The following VAT1L variants were observed in gnomAD, a reference collection of about 807,000 sequenced individuals.
VAT1L encodes the protein putative NADPH-dependent quinone oxidoreductase VAT1L.
Under a neutral mutation model 44.1 loss-of-function variants are expected in VAT1L, and 34 were observed. That is an observed-to-expected ratio of 0.77 (90% CI 0.59 to 1.03). The LOEUF (loss-of-function observed/expected upper bound fraction) is 1.03. VAT1L is among the 50% of genes least tolerant of loss of function. The probability of loss-of-function intolerance (pLI) is 0.00; values close to 1 mark genes in which losing one functional copy is unlikely to be tolerated. For synonymous variants in VAT1L, 253 were observed against 202.2 expected, an observed-to-expected ratio of 1.25 and a Z score of -2.13; for missense variants, 615 against 538.8, an observed-to-expected ratio of 1.14 and a Z score of -1.40.
intron 7 of VAT1L, among the ~76,000 whole-genome samples, chr16:77,955,366 C>G (rs1407435034): frequency 6.6e-6 from 1 of 152,146 alleles, no homozygotes; most frequent in East Asian, 1.9e-4. Flanking sequence ...GTGCCCAGGA[C>G]AGCCCCCACA....
intron 7 of VAT1L, among the ~76,000 whole-genome samples, chr16:77,954,442 T>C (rs1208199331): frequency 6.6e-6 from 1 of 152,092 alleles, no homozygotes; most frequent in Non-Finnish European, 1.5e-5. Context: ...CTGACCAACA[T>C]GGTGAAACCC....
chr16:77,922,086 C>G (rs886455487), intron 7 of VAT1L, among the ~76,000 whole-genome samples: 3 of 152,006 alleles, frequency 2.0e-5, no homozygotes, highest in Non-Finnish European at 4.4e-5. Context: ...CAGGTTAGCA[C>G]CTACTGAGAC....
chr16:77,861,739 G>A (rs370808581), intron 3 of VAT1L, among the ~76,000 whole-genome samples: 17 of 152,346 alleles, frequency 1.1e-4, no homozygotes, highest in African/African-American at 3.8e-4. Context: ...ATAGGCACAA[G>A]AATTACTATT....
At chr16:77,862,623 T>TAA (rs34096024) in intron 3 of VAT1L, 125 bp from the exon 4 acceptor site, 6,865 of 393,830 alleles carry the variant, frequency 0.017, 4 homozygotes, top group South Asian at 0.029. Flanking sequence ...ACTCCATCTC[T>TAA]AAAAAAAAAA....
intron 3 of VAT1L, among the ~76,000 whole-genome samples, chr16:77,826,033 G>GAA (rs1157288505): frequency 1.3e-4 from 1 of 7,982 alleles, no homozygotes; most frequent in Non-Finnish European, 3.0e-4. Flanking sequence ...AAAAAAAAAA[G>GAA]AAAAAAAAAA....
At chr16:77,873,140 A>G (rs2017049427) in intron 4 of VAT1L, among the ~76,000 whole-genome samples, 1 of 152,252 alleles carries the variant, frequency 6.6e-6, no homozygotes, top group Admixed American at 6.5e-5. Flanking sequence ...TGATGCTTCC[A>G]TACTTAATAC....
chr16:77,835,804 C>T lies in VAT1L; in HGVS notation c.579+10343C>T, dbSNP rs529883080. 2.8e-4 allele frequency among the ~76,000 whole-genome samples: 42 copies of T among 151,696 alleles called. 1 individual carries two copies. Among genetic ancestry groups the T allele is most frequent in the Non-Finnish European group, 5.2e-4 (35 of 67,946 alleles). On this transcript the variant is annotated intron_variant, in intron 3 of 8. Transcript: ENST00000302536. Reference sequence around the variant, plus strand: ...AAGAGAATCACTTGAACCCCGGAGGCGGAGGTCACAGTGAGCCAAGATCAT... The same window carrying T: ...AAGAGAATCACTTGAACCCCGGAGGTGGAGGTCACAGTGAGCCAAGATCAT...
chr16:77,896,178 A>C (rs369518), intron 7 of VAT1L, among the ~76,000 whole-genome samples: 136,622 of 151,918 alleles, frequency 0.9, 61,908 homozygotes, highest in Non-Finnish European at 0.95. Context: ...TGAGACTCTG[A>C]GCCTCCCTGC....
chr16:77,940,676 G>T (rs1666397328), intron 7 of VAT1L, among the ~76,000 whole-genome samples: 1 of 152,058 alleles, frequency 6.6e-6, no homozygotes, highest in Non-Finnish European at 1.5e-5. Context: ...AAGTTAATAT[G>T]AATTTTGCAC....
chr16:77,914,475 G>A (rs542254572), intron 7 of VAT1L, among the ~76,000 whole-genome samples: 1 of 152,264 alleles, frequency 6.6e-6, no homozygotes, highest in East Asian at 1.9e-4. Flanking sequence ...GCTACAATCC[G>A]GGCTTGATTT....
intron 7 of VAT1L, among the ~76,000 whole-genome samples, chr16:77,970,336 G>T (rs2018266195): frequency 6.6e-6 from 1 of 152,194 alleles, no homozygotes; most frequent in Non-Finnish European, 1.5e-5. Flanking sequence ...TTACCAGACT[G>T]ACGCTAAAGT....
In VAT1L at chr16:77,825,366, C is replaced by G. The variant is rs1020004516; in HGVS notation, c.484C>G (p.Pro162Ala). The G allele has an allele frequency of 6.2e-7, 1 of 1,613,974 alleles. No individual in the cohort carries two copies. Among genetic ancestry groups the G allele is most frequent in the Non-Finnish European group, 8.5e-7 (1 of 1,180,020 alleles). Reference protein sequence around the residue: ...DMSFSEAAAFPMNFVTAYVML... With the variant: ...DMSFSEAAAFAMNFVTAYVML... ...GAGCTTCTCCGAGGCTGCTGCATTC[C>G]CCATGAACTTCGTCACAGCCTATGT... Residue 162 changes from proline to alanine, a missense_variant, in exon 3 of 9, where the codon CCC (proline) becomes GCC (alanine). Pro to Ala is a conservative substitution (Grantham distance 27). Coordinates refer to ENST00000302536, the MANE Select transcript of VAT1L (RefSeq NM_020927.3).
At chr16:77,927,530 G>C (rs1486434212) in intron 7 of VAT1L, among the ~76,000 whole-genome samples, 6 of 151,956 alleles carry the variant, frequency 3.9e-5, no homozygotes, top group Non-Finnish European at 2.9e-5. Context: ...GCCACCCTAG[G>C]TACACCCATT....
chr16:77,847,171 A>G (rs954340725), intron 3 of VAT1L, among the ~76,000 whole-genome samples: 3 of 152,122 alleles, frequency 2.0e-5, no homozygotes, highest in African/African-American at 7.2e-5. Context: ...CTCTTGGAGA[A>G]GTAATTGCTT....
chr16:77,795,927 G>C (rs1163111583), intron 1 of VAT1L, among the ~76,000 whole-genome samples: 1 of 143,958 alleles, frequency 6.9e-6, no homozygotes, highest in Non-Finnish European at 1.5e-5. Flanking sequence ...CCAAGTTCAA[G>C]CGATTCTCCT....
chr16:77,955,600 C>A (rs1260693620), intron 7 of VAT1L, among the ~76,000 whole-genome samples: 1 of 152,112 alleles, frequency 6.6e-6, no homozygotes, highest in Non-Finnish European at 1.5e-5. Context: ...TGGCACTCGT[C>A]TGTAACCCCA....
chr16:77,946,939 A>T (rs1036246925), intron 7 of VAT1L, among the ~76,000 whole-genome samples: 2 of 152,216 alleles, frequency 1.3e-5, no homozygotes, highest in African/African-American at 2.4e-5. Context: ...AAGTTGCTGG[A>T]AGGCAACACC....
intron 8 of VAT1L, among the ~76,000 whole-genome samples, chr16:77,973,334 G>C (rs1035788068): frequency 4.6e-5 from 7 of 152,004 alleles, no homozygotes; most frequent in African/African-American, 1.4e-4. Context: ...ACCCAGGCTG[G>C]AGTGCAATGG....
chr16:77,871,610 G>A (rs915116392), intron 4 of VAT1L, among the ~76,000 whole-genome samples: 1 of 152,066 alleles, frequency 6.6e-6, no homozygotes, highest in Non-Finnish European at 1.5e-5. Context: ...GTGGGCCCAG[G>A]GGTGAGTCAC....
Sources: gnomAD v4.1 joint callset for allele counts (sites outside exome capture counted in the v4.1 genomes callset) on GRCh38, gnomAD v4.1.1 for gene constraint, MANE v1.5 for transcripts, NCBI Gene and HGNC (gene_info 2026-07-23, HGNC 2026-07-21) for gene names.